WFS1: variants seen among roughly 807,000 people sequenced by gnomAD.
WFS1 encodes the protein wolframin.
WFS1 carries 90 observed loss-of-function variants against 68.5 expected under a neutral mutation model. The observed-to-expected ratio is 1.31, with a 90% CI of 1.11 to 1.56. The LOEUF (loss-of-function observed/expected upper bound fraction) is 1.56, where lower values mean the gene tolerates loss of function less well. Ranked by LOEUF, WFS1 falls within the 40% of genes most tolerant of loss-of-function variation. WFS1 has a pLI of 0.00. For synonymous variants in WFS1, 860 were observed against 540.7 expected, an observed-to-expected ratio of 1.59 and a Z score of -8.19; for missense variants, 1,767 against 1,232.6, an observed-to-expected ratio of 1.43 and a Z score of -6.49.
chr4:6,301,600 C>T lies in WFS1; in HGVS notation c.1805C>T (p.Ala602Val), dbSNP rs2230720. The part of the protein sequence containing the change: ...LELTKIAVTV[A>V]VCSVPLLLRW... ...CTCACCAAGATCGCAGTCACCGTGG[C>T]GGTCTGTAGTGTGCCCCTGCTGTTG... The change falls in exon 8 of 8, where the codon GCG becomes GTG. Residue 602 changes from alanine (A) to valine (V), a missense_variant. Coordinates refer to ENST00000226760, the MANE Select transcript of WFS1 (RefSeq NM_006005.3). The T allele has an allele frequency of 5.3e-3, 8,484 of 1,614,134 alleles. 339 individuals carry two copies. The African/African-American group carries it at 0.094, about 18-fold the overall frequency.
chr4:6,300,725 A>G lies in WFS1; in HGVS notation c.930A>G (p.Ala310=), dbSNP rs115561278. The G allele has an allele frequency of 1.6e-3, 2,651 of 1,614,034 alleles. 46 individuals carry two copies. In the African/African-American group the frequency reaches 0.028, roughly 17 times the overall value. ...KEYLIDMASR[A]GMHWLSTIIP... is the part of the protein sequence containing the mutation. ...ACCTGATTGACATGGCCTCCAGGGC[A>G]GGCATGCACTGGCTGTCCACCATCA... The change falls in exon 8 of 8, where the codon GCA becomes GCG. Residue 310 remains alanine, a synonymous_variant. Transcript: ENST00000226760.
intron 2 of WFS1, among the ~76,000 whole-genome samples, chr4:6,284,431 T>C (rs190720524): frequency 6.6e-6 from 1 of 152,290 alleles, no homozygotes; most frequent in African/African-American, 2.4e-5. Flanking sequence ...TGTCTTGAAA[T>C]GTCAGGCTGT....
Position 6,301,341 on chromosome 4 carries a change from T to C in WFS1, c.1546T>C (p.Phe516Leu), listed in dbSNP as rs1730901239. Residue 516 changes from phenylalanine to leucine, a missense_variant, in exon 8 of 8, where the codon TTC becomes CTC. Phe to Leu is a conservative substitution (Grantham distance 22). Transcript: ENST00000226760. ...LLYVYLLYLF[F>L]RMAQLRNFKG... ...CTATGTCTACCTGCTCTATCTCTTC[T>C]TCCGCATGGCACAGCTGAGGAATTT... The C allele has an allele frequency of 6.2e-7, 1 of 1,612,198 alleles. No individual in the cohort carries two copies. The highest frequency in any genetic ancestry group is 2.2e-5 in the East Asian group (1 of 44,888).
chr4:6,278,848 G>A (rs1304524187), intron 2 of WFS1, among the ~76,000 whole-genome samples: 2 of 152,242 alleles, frequency 1.3e-5, no homozygotes, highest in Non-Finnish European at 2.9e-5. Flanking sequence ...CGGGATTTGG[G>A]CCCAGCCTCA....
intron 6 of WFS1, chr4:6,294,662 G>A (rs779227428): frequency 1.4e-4 from 46 of 334,960 alleles, no homozygotes; most frequent in Non-Finnish European, 2.5e-4. Flanking sequence ...GAAGCCCCAC[G>A]CTGGCTGAAG....
rs903796691 is a variant in WFS1 at position 6,283,320 on chromosome 4, C to G, written c.233-3773C>G. On this transcript the variant is annotated intron_variant, in intron 2 of 7. Transcript: ENST00000226760. This position sits in a 1 kb window ranked among gnomAD's most constrained non-coding sequence, Gnocchi z 5.0. ...ATTTTGTGATTGATAGGCAGACTTT[C>G]AAAGAATGAGTTAGATTCAGGACCC... Among the ~76,000 whole-genome samples, 1 of 152,280 alleles carries G rather than the reference C, an allele frequency of 6.6e-6. No individual in the cohort carries two copies. Among genetic ancestry groups the G allele is most frequent in the Middle Eastern group, 3.4e-3 (1 of 294 alleles).
At chr4:6,272,995 C>T (rs1729881959) in intron 1 of WFS1, among the ~76,000 whole-genome samples, 1 of 152,226 alleles carries the variant, frequency 6.6e-6, no homozygotes, top group African/African-American at 2.4e-5. Flanking sequence ...TGTGTGTGAG[C>T]CCCGAGGGCA....
At position 6,302,207 on chromosome 4, in the gene WFS1, G is replaced by A; in HGVS notation, c.2412G>A (p.Leu804=). ...EEDDVTKDIV[L]RASSEFKSVL... ...ACGACGTCACCAAGGACATCGTGCT[G>A]CGGGCCAGCAGCGAGTTCAAGAGCG... Residue 804 remains leucine, a synonymous_variant, in exon 8 of 8, where the codon CTG becomes CTA. Coordinates refer to ENST00000226760, the MANE Select transcript of WFS1 (RefSeq NM_006005.3). 6.2e-7 allele frequency: 1 copy of A among 1,611,474 alleles called. No homozygotes were observed. Among genetic ancestry groups the A allele is most frequent in the East Asian group, 2.2e-5 (1 of 44,852 alleles).
Position 6,302,537 on chromosome 4 carries a change from C to G in WFS1, c.*69C>G, listed in dbSNP as rs71530916. The G allele has an allele frequency of 1.3e-6, 2 of 1,598,978 alleles. No homozygotes were observed. The highest frequency in any genetic ancestry group is 8.5e-7 in the Non-Finnish European group (1 of 1,176,256). ...GCCTTTCCCCAGTGTGGCCCCAGCCCGACAGGCATGCACCAGTGCCGCCTG... is the reference window on the plus strand; with the variant it reads ...GCCTTTCCCCAGTGTGGCCCCAGCCGGACAGGCATGCACCAGTGCCGCCTG... On this transcript the variant is annotated 3_prime_UTR_variant, in exon 8 of 8. Transcript: ENST00000226760.
intron 5 of WFS1, 92 bp downstream of exon 5, chr4:6,291,459 CAG>C (rs898720300): frequency 1.9e-5 from 29 of 1,517,268 alleles, no homozygotes; most frequent in Admixed American, 3.8e-5. Context: ...GACCTTCCCT[CAG>C]GGGCTGGGTC....
intron 1 of WFS1, among the ~76,000 whole-genome samples, chr4:6,273,595 AC>A (rs1729899001): frequency 1.3e-5 from 2 of 152,148 alleles, no homozygotes; most frequent in Non-Finnish European, 2.9e-5. Flanking sequence ...TAAGTGCTTA[AC>A]GTATTCCTGG....
At chr4:6,290,927 G>C (rs951106145) in intron 4 of WFS1, among the ~76,000 whole-genome samples, 1 of 152,222 alleles carries the variant, frequency 6.6e-6, no homozygotes, top group East Asian at 1.9e-4. Flanking sequence ...AGAGAGGGGA[G>C]GAACAGGAAG....
At chr4:6,280,734 A>C (rs1384791419) in intron 2 of WFS1, among the ~76,000 whole-genome samples, 1 of 152,146 alleles carries the variant, frequency 6.6e-6, no homozygotes, top group Non-Finnish European at 1.5e-5. Flanking sequence ...GTGGGCACTC[A>C]GGCCTCCTGG....
chr4:6,286,405 A>T (rs1001640699), intron 2 of WFS1, among the ~76,000 whole-genome samples: 1 of 152,188 alleles, frequency 6.6e-6, no homozygotes, highest in African/African-American at 2.4e-5. Context: ...AACAAAAAGC[A>T]GGCCCTCAGT....
chr4:6,280,397 T>C (rs1730124958), intron 2 of WFS1, among the ~76,000 whole-genome samples: 1 of 152,144 alleles, frequency 6.6e-6, no homozygotes, highest in Non-Finnish European at 1.5e-5. Context: ...GGGGGATCTG[T>C]TGTTCTGCTC....
chr4:6,294,478 TCAGCAG>T (rs1730568138), intron 6 of WFS1, among the ~76,000 whole-genome samples: 1 of 99,676 alleles, frequency 1.0e-5, no homozygotes, highest in Non-Finnish European at 2.2e-5. Context: ...GATGGAGGTG[TCAGCAG>T]GCACATAGTA....
intron 1 of WFS1, among the ~76,000 whole-genome samples, chr4:6,272,593 T>C (rs925281027): frequency 1.3e-5 from 2 of 152,246 alleles, no homozygotes; most frequent in African/African-American, 4.8e-5. Context: ...CCTTAGAGCT[T>C]GCTCACAGAT....
In WFS1 at chr4:6,302,898, ATT is replaced by A. The variant is rs1560423183; in HGVS notation, c.*432_*433del. The A allele has an allele frequency of 4.3e-6, 1 of 231,190 alleles. No individual in the cohort carries two copies. The highest frequency in any genetic ancestry group is 2.3e-5 in the African/African-American group (1 of 43,616). 14.3% of individuals were successfully genotyped at this position (231,190 alleles called of 1,614,324 possible). A position where few individuals can be genotyped will look rare whatever the true frequency, so the allele number is the denominator to read the frequency against. ...TGTAACCTCCACAGTAGCATTTCTT[ATT>A]TGTTTGGTCACTGCTACACCTTAGC... On this transcript the variant is annotated 3_prime_UTR_variant, in exon 8 of 8. Transcript: ENST00000226760.
intron 1 of WFS1, among the ~76,000 whole-genome samples, chr4:6,273,131 C>G (rs1445426225): frequency 6.6e-6 from 1 of 152,230 alleles, no homozygotes; most frequent in African/African-American, 2.4e-5. Flanking sequence ...GGTTGCCCCC[C>G]CAGAGAGAAC....
Sources: allele counts gnomAD v4.1 joint callset (sites outside exome capture counted in the v4.1 genomes callset), GRCh38; gene constraint gnomAD v4.1.1; non-coding constraint Gnocchi (gnomAD v3.1); transcripts MANE v1.5; gene names NCBI Gene and HGNC (gene_info 2026-07-23, HGNC 2026-07-21).